CDIN1: variants seen among roughly 807,000 people sequenced by gnomAD.
The protein encoded by CDIN1 is CDAN1-interacting nuclease 1.
A neutral mutation model predicts 45.3 loss-of-function variants in CDIN1; 33 were observed. The ratio of observed to expected loss-of-function variants is 0.73; its 90% CI spans 0.55 to 0.97. The LOEUF (loss-of-function observed/expected upper bound fraction) is 0.97, where lower values mean the gene tolerates loss of function less well. Among genes scored for constraint, CDIN1 ranks in the 50% least tolerant of loss-of-function variants. The pLI is 0.00. For missense variants in CDIN1, 303 were observed against 339.4 expected (o/e 0.89, Z 0.84); for synonymous variants, 118 against 124.4 (o/e 0.95, Z 0.34).
chr15:36,716,831 A>G (rs748294846), intron 10 of CDIN1, among the ~76,000 whole-genome samples: 9 of 152,198 alleles, frequency 5.9e-5, no homozygotes, highest in Non-Finnish European at 1.2e-4. Flanking sequence ...CAGGTCAGCA[A>G]ACATTTACAG....
chr15:36,742,210 C>T (rs930658161), intron 10 of CDIN1, among the ~76,000 whole-genome samples: 4 of 151,960 alleles, frequency 2.6e-5, no homozygotes, highest in Non-Finnish European at 5.9e-5. Flanking sequence ...TCTGGACCAC[C>T]GTCAAAGACC....
At chr15:36,715,653 A>C (rs182766631) in intron 10 of CDIN1, among the ~76,000 whole-genome samples, 27 of 152,326 alleles carry the variant, frequency 1.8e-4, no homozygotes, top group African/African-American at 5.1e-4. Context: ...AGCAATAACA[A>C]GTGACAGATT....
At chr15:36,723,668 G>A (rs143720514) in intron 10 of CDIN1, among the ~76,000 whole-genome samples, 6 of 152,260 alleles carry the variant, frequency 3.9e-5, no homozygotes, top group East Asian at 3.9e-4. Flanking sequence ...GGTCTCAGGC[G>A]ATCTTCCCAC....
chr15:36,792,412 A>G (rs1404971969), intron 10 of CDIN1, among the ~76,000 whole-genome samples: 1 of 152,124 alleles, frequency 6.6e-6, no homozygotes, highest in Non-Finnish European at 1.5e-5. Context: ...CACTAAGGAA[A>G]CTGTTAGCCG....
At chr15:36,783,810 T>C (rs2054416689) in intron 10 of CDIN1, among the ~76,000 whole-genome samples, 1 of 152,198 alleles carries the variant, frequency 6.6e-6, no homozygotes, top group Admixed American at 6.6e-5. Flanking sequence ...CTGCTCATAA[T>C]GGTGGCACAG....
intron 8 of CDIN1, chr15:36,704,987 T>C (rs1190961334): frequency 6.6e-6 from 1 of 152,220 alleles, no homozygotes; most frequent in African/African-American, 2.4e-5. Context: ...CAAAATCAGC[T>C]CTTTATTTTA....
At chr15:36,793,231 TGA>T (rs2054694629) in intron 10 of CDIN1, among the ~76,000 whole-genome samples, 1 of 152,140 alleles carries the variant, frequency 6.6e-6, no homozygotes, top group Non-Finnish European at 1.5e-5. Flanking sequence ...CCCTTACTAC[TGA>T]GAGTCCCTGA....
chr15:36,666,551 T>C (rs983838368), intron 5 of CDIN1, among the ~76,000 whole-genome samples: 1 of 152,156 alleles, frequency 6.6e-6, no homozygotes, highest in African/African-American at 2.4e-5. Flanking sequence ...TGTTTAATCG[T>C]GTTATTTTCT....
chr15:36,653,826 C>G (rs1443991577), intron 3 of CDIN1, among the ~76,000 whole-genome samples: 6 of 152,176 alleles, frequency 3.9e-5, no homozygotes, highest in Middle Eastern at 3.2e-3. Flanking sequence ...CTCTTGTTCA[C>G]TTTATATGGT....
intron 10 of CDIN1, among the ~76,000 whole-genome samples, chr15:36,806,887 G>C (rs2055246653): frequency 1.3e-5 from 2 of 152,138 alleles, no homozygotes; most frequent in Admixed American, 1.3e-4. Context: ...CCTGTGCACA[G>C]GTAGCCTAAT....
At position 36,659,215 on chromosome 15, in the gene CDIN1, T is replaced by C. The variant is rs187580030; in HGVS notation, c.346+1310T>C. Reference sequence around the variant, plus strand: ...ACAGAATTCATTGACTTGTGAATTATGAAGTTAATAGGTTGATCATAAATT... The same window carrying C: ...ACAGAATTCATTGACTTGTGAATTACGAAGTTAATAGGTTGATCATAAATT... On this transcript the variant is annotated intron_variant, in intron 5 of 10. Coordinates refer to ENST00000566621, the MANE Select transcript of CDIN1 (RefSeq NM_001321759.2). 2.6e-5 allele frequency among the ~76,000 whole-genome samples: 4 copies of C among 152,346 alleles called. No homozygotes were observed. The East Asian group carries it at 7.7e-4, about 29-fold the overall frequency.
chr15:36,628,114 C>T (rs1353014010), intron 1 of CDIN1, among the ~76,000 whole-genome samples: 1 of 152,018 alleles, frequency 6.6e-6, no homozygotes, highest in African/African-American at 2.4e-5. Flanking sequence ...TTTTGACAAA[C>T]ACATGGAGTT....
rs888175390 is a variant in CDIN1, at chr15:36,808,559, G to C, written c.*106G>C. ...GCAACATCTGCCCTGAACTTCAGCTGAACTCTTGCTGCCCGTAGTCACACC... is the reference window on the plus strand; with the variant it reads ...GCAACATCTGCCCTGAACTTCAGCTCAACTCTTGCTGCCCGTAGTCACACC... On this transcript the variant is annotated 3_prime_UTR_variant, in exon 11 of 11. Transcript: ENST00000566621. The C allele has an allele frequency of 2.8e-6, 4 of 1,438,690 alleles. No homozygotes were observed. Among genetic ancestry groups the C allele is most frequent in the Non-Finnish European group, 2.8e-6 (3 of 1,059,914 alleles). 89.1% of individuals were successfully genotyped at this position (1,438,690 alleles called of 1,614,324 possible). A position where few individuals can be genotyped will look rare whatever the true frequency, so the allele number is the denominator to read the frequency against.
At chr15:36,666,527 A>G (rs1229708912) in intron 5 of CDIN1, among the ~76,000 whole-genome samples, 1 of 152,180 alleles carries the variant, frequency 6.6e-6, no homozygotes, top group Non-Finnish European at 1.5e-5. Context: ...TATTGTGCCT[A>G]TTGTATAGAT....
At chr15:36,774,166 G>GCA (rs1555407100) in intron 10 of CDIN1, among the ~76,000 whole-genome samples, 4 of 149,492 alleles carry the variant, frequency 2.7e-5, no homozygotes, top group Non-Finnish European at 5.9e-5. Context: ...GTGTGTGTGC[G>GCA]CGCGCGCGCA....
At chr15:36,692,254 A>C in intron 7 of CDIN1, 79 bp downstream of exon 7, 1 of 1,363,594 alleles carries the variant, frequency 7.3e-7, no homozygotes, top group Non-Finnish European at 1.0e-6. Flanking sequence ...TTAACCTGAC[A>C]TAAAGTTCTG....
chr15:36,673,742 G>A (rs983544640), intron 5 of CDIN1, among the ~76,000 whole-genome samples: 1 of 151,966 alleles, frequency 6.6e-6, no homozygotes, highest in African/African-American at 2.4e-5. Flanking sequence ...AAATTTGGCA[G>A]GGTGGGTGAT....
intron 1 of CDIN1, chr15:36,617,187 C>T: frequency 5.7e-6 from 5 of 874,154 alleles, no homozygotes; most frequent in Non-Finnish European, 9.9e-6. Flanking sequence ...CTGATGCCAC[C>T]CCAGTAACTC....
chr15:36,665,253 A>AT (rs1241362966), intron 5 of CDIN1, among the ~76,000 whole-genome samples: 15 of 152,196 alleles, frequency 9.9e-5, no homozygotes, highest in Non-Finnish European at 4.4e-5. Flanking sequence ...ATTAACGGTA[A>AT]TGATTGTATT....
Sources: gnomAD v4.1 joint callset for allele counts (sites outside exome capture counted in the v4.1 genomes callset) on GRCh38, gnomAD v4.1.1 for gene constraint, MANE v1.5 for transcripts, NCBI Gene and HGNC (gene_info 2026-07-23, HGNC 2026-07-21) for gene names.